Variants in KRT77 observed in about 807,000 individuals in gnomAD.
KRT77 encodes keratin, type II cytoskeletal 1b.
In KRT77, 44 loss-of-function variants were observed where a neutral mutation model predicts 51.5. The ratio of observed to expected loss-of-function variants is 0.85; its 90% CI spans 0.67 to 1.10. The LOEUF (loss-of-function observed/expected upper bound fraction) is 1.10, where lower values mean the gene tolerates loss of function less well. KRT77 is among the 50% of genes least tolerant of loss of function. KRT77 has a pLI of 0.00. For missense variants in KRT77, 763 were observed against 743.9 expected (o/e 1.03, Z -0.30); for synonymous variants, 293 against 302.0 (o/e 0.97, Z 0.31).
intron 4 of KRT77, 124 bp from the exon 5 acceptor site, chr12:52,694,914 G>T (rs1022099553): frequency 1.2e-6 from 1 of 833,794 alleles, no homozygotes; most frequent in Admixed American, 2.7e-5. Flanking sequence ...CTTGGGAAAA[G>T]CTCTTGGAAT....
At chr12:52,696,537 T>G in intron 2 of KRT77, 107 bp from the exon 3 acceptor site, 1 of 930,430 alleles carries the variant, frequency 1.1e-6, no homozygotes, top group South Asian at 1.4e-5. Flanking sequence ...TTTGCTGTCC[T>G]GGGTTCAGAG....
chr12:52,699,094 A>T (rs750359870), intron 1 of KRT77, among the ~76,000 whole-genome samples: 1 of 152,168 alleles, frequency 6.6e-6, no homozygotes, highest in African/African-American at 2.4e-5. Context: ...TTATCAAAGC[A>T]AGAGATTAGG....
chr12:52,701,022 T>C (rs1161082484), intron 1 of KRT77, among the ~76,000 whole-genome samples: 2 of 152,192 alleles, frequency 1.3e-5, no homozygotes, highest in Non-Finnish European at 2.9e-5. Flanking sequence ...TCATAGGCCA[T>C]GCCCTTCGAA....
In KRT77 at chr12:52,703,369, G is replaced by C; in HGVS notation, c.66C>G (p.Ser22Arg). The stretch of plus-strand genomic sequence containing the variant: ...TCCCACCACCAGAGCCTGCAGAAGA[G>C]CTGGTACTATAAACCCGCCTGCTCA... The part of the protein sequence containing the change: ...SSMSRRVYST[S>R]SSAGSGGGSP... Residue 22 changes from serine to arginine, a missense_variant, in exon 1 of 9, where the codon AGC becomes AGG. Physicochemically the swap from Ser to Arg is moderately radical, Grantham distance 110. Coordinates refer to ENST00000341809, the MANE Select transcript of KRT77 (RefSeq NM_175078.3). 6.2e-7 allele frequency: 1 copy of C among 1,613,670 alleles called. No homozygotes were observed. The highest frequency in any genetic ancestry group is 8.5e-7 in the Non-Finnish European group (1 of 1,179,780).
At chr12:52,702,706 C>T (rs986175983) in intron 1 of KRT77, among the ~76,000 whole-genome samples, 186 bp downstream of exon 1, 1 of 151,962 alleles carries the variant, frequency 6.6e-6, no homozygotes, top group Non-Finnish European at 1.5e-5. Context: ...ATCTCCTTTC[C>T]TGCCAAAAGG....
At position 52,692,755 on chromosome 12, in the gene KRT77, C is replaced by A. The variant is rs1199888608; in HGVS notation, c.1206G>T (p.Gln402His). The stretch of plus-strand genomic sequence containing the variant: ...AGCCCTCCCTAAGCACCCGTCCCAC[C>A]TGCTTCTTCACGTTGCTGATCTCTG... ...LQAEISNVKKQIEQMQSLISD... is the reference protein window; with the variant it reads ...LQAEISNVKKHIEQMQSLISD... Residue 402 changes from glutamine (Q) to histidine (H), a missense_variant and splice_region_variant, in exon 6 of 9, where the codon CAG becomes CAT. Physicochemically the swap from Gln to His is conservative, Grantham distance 24. Transcript: ENST00000341809. 6.2e-6 allele frequency: 10 copies of A among 1,604,288 alleles called. No individual in the cohort carries two copies. The highest frequency in any genetic ancestry group is 4.5e-5 in the East Asian group (2 of 44,882).
rs1254719509 is a variant in KRT77, at chr12:52,691,003, A to AGAT, written c.*161_*162insATC. 20 of 945,234 alleles carry AGAT rather than the reference A, an allele frequency of 2.1e-5. No individual in the cohort carries two copies. Among genetic ancestry groups the AGAT allele is most frequent in the Non-Finnish European group, 2.9e-5 (18 of 626,530 alleles). 58.6% of individuals were successfully genotyped at this position (945,234 alleles called of 1,614,324 possible). A position where few individuals can be genotyped will look rare whatever the true frequency, so the allele number is the denominator to read the frequency against. Reference sequence around the variant, plus strand: ...CTCCAAAGAGAGATCTGCTGTTTGGACTTATCCACCCTGCTTCCCCCATTA... The same window carrying AGAT: ...CTCCAAAGAGAGATCTGCTGTTTGGAGATCTTATCCACCCTGCTTCCCCCATTA... On this transcript the variant is annotated 3_prime_UTR_variant, in exon 9 of 9. Transcript: ENST00000341809.
In KRT77 at chr12:52,703,499, G is replaced by C; in HGVS notation, c.-65C>G. On this transcript the variant is annotated 5_prime_UTR_variant, in exon 1 of 9. Transcript: ENST00000341809. ...CCTGGCAGGAAGGAGGCAGAGACCA[G>C]AGAGGAAAGGAGCTCTGACTCCTTT... is the stretch of plus-strand genomic sequence containing the variant. 1.4e-6 allele frequency: 2 copies of C among 1,387,864 alleles called. No homozygotes were observed. The highest frequency in any genetic ancestry group is 2.0e-6 in the Non-Finnish European group (2 of 1,024,586). 86.0% of individuals were successfully genotyped at this position (1,387,864 alleles called of 1,614,324 possible).
At chr12:52,694,824 A>G (rs776647115) in intron 4 of KRT77, 34 bp from the exon 5 acceptor site, 3 of 1,556,530 alleles carry the variant, frequency 1.9e-6, no homozygotes, top group Non-Finnish European at 1.7e-6. Context: ...GACTCCTTCC[A>G]TTCTCCTCTG....
chr12:52,703,094 C>A lies in KRT77; in HGVS notation c.341G>T (p.Gly114Val). ...AGGFGGGGFG[G>V]AGFGTSNFGL... is the part of the protein sequence containing the mutation. ...AAAATTGCTAGTCCCAAATCCAGCA[C>A]CCCCAAAACCACCTCCTCCAAAGCC... The change falls in exon 1 of 9, where the codon GGT (glycine) becomes GTT (valine). Residue 114 changes from glycine (G) to valine (V), a missense_variant. Physicochemically the swap from Gly to Val is moderately radical, Grantham distance 109 (BLOSUM62 -3). Coordinates refer to ENST00000341809, the MANE Select transcript of KRT77 (RefSeq NM_175078.3). 1 of 1,613,182 alleles carries A rather than the reference C, an allele frequency of 6.2e-7. No homozygotes were observed. The highest frequency in any genetic ancestry group is 8.5e-7 in the Non-Finnish European group (1 of 1,179,466).
intron 1 of KRT77, among the ~76,000 whole-genome samples, chr12:52,701,034 G>A (rs970051382): frequency 1.3e-5 from 2 of 152,200 alleles, no homozygotes; most frequent in Non-Finnish European, 2.9e-5. Flanking sequence ...CCCTTCGAAG[G>A]ACAGGAGGCC....
At chr12:52,700,997 C>T (rs763944465) in intron 1 of KRT77, among the ~76,000 whole-genome samples, 1 of 152,196 alleles carries the variant, frequency 6.6e-6, no homozygotes, top group South Asian at 2.1e-4. Context: ...GCTGAGAAGC[C>T]TCTCCTCATA....
intron 8 of KRT77, among the ~76,000 whole-genome samples, 165 bp from the exon 9 acceptor site, chr12:52,691,604 T>C (rs546546583): frequency 1.3e-5 from 2 of 152,340 alleles, no homozygotes; most frequent in East Asian, 3.9e-4. Context: ...AAAGTATTCT[T>C]CATACTACAA....
intron 1 of KRT77, among the ~76,000 whole-genome samples, chr12:52,699,007 G>A (rs1032747859): frequency 2.0e-5 from 3 of 152,198 alleles, no homozygotes; most frequent in Non-Finnish European, 4.4e-5. Context: ...ACCCTGGTTA[G>A]CTCCCTTTGG....
At chr12:52,697,577 C>T (rs1328553465) in intron 2 of KRT77, 105 bp downstream of exon 2, 7 of 157,262 alleles carry the variant, frequency 4.5e-5, no homozygotes, top group African/African-American at 2.2e-4. Flanking sequence ...AGCCTGCATG[C>T]CCCGCCCCCC....
rs151174614 is a variant in KRT77, at chr12:52,697,729, G to A, written c.711C>T (p.Asn237=). Reference sequence around the variant, plus strand: ...CATCCTGCATGCTCCTGACCTCCGCGTTCTGGCGCATCTGCTCCGCACTGA... The same window carrying A: ...CATCCTGCATGCTCCTGACCTCCGCATTCTGGCGCATCTGCTCCGCACTGA... ...DLLSAEQMRQ[N]AEVRSMQDVV... Residue 237 remains asparagine (N), a synonymous_variant, in exon 2 of 9, where the codon AAC becomes AAT. Transcript: ENST00000341809. The A allele has an allele frequency of 1.8e-5, 29 of 1,613,926 alleles. No homozygotes were observed. Among genetic ancestry groups the A allele is most frequent in the Admixed American group, 3.3e-5 (2 of 59,996 alleles).
chr12:52,693,690 C>T (rs949360175), intron 5 of KRT77: 2 of 150,944 alleles, frequency 1.3e-5, no homozygotes, highest in African/African-American at 4.8e-5. Context: ...AAAGAAGTAA[C>T]CAAAGATGTG....
chr12:52,692,025 G>A, intron 7 of KRT77, 53 bp from the exon 8 acceptor site: 1 of 1,589,382 alleles, frequency 6.3e-7, no homozygotes, highest in Non-Finnish European at 8.6e-7. Context: ...GAGGAGAGAA[G>A]GCTGTGGCCC....
At chr12:52,694,322 C>T (rs561752242) in intron 5 of KRT77, among the ~76,000 whole-genome samples, 2 of 152,282 alleles carry the variant, frequency 1.3e-5, no homozygotes, top group Admixed American at 1.3e-4. Flanking sequence ...GTGCCTAACA[C>T]ATATGAGTTC....
Sources: allele counts gnomAD v4.1 joint callset (sites outside exome capture counted in the v4.1 genomes callset), GRCh38; gene constraint gnomAD v4.1.1; transcripts MANE v1.5; gene names NCBI Gene and HGNC (gene_info 2026-07-23, HGNC 2026-07-21).